The following NUP62CL variants were observed in gnomAD, a reference collection of about 807,000 sequenced individuals.
NUP62CL encodes the protein nucleoporin-62 C-terminal-like protein.
NUP62CL carries 13 observed loss-of-function variants against 15.3 expected under a neutral mutation model. The ratio of observed to expected loss-of-function variants is 0.85; its 90% CI spans 0.55 to 1.35. The LOEUF (loss-of-function observed/expected upper bound fraction) is 1.35, where lower values mean the gene tolerates loss of function less well. Ranked by LOEUF, NUP62CL falls within the 40% of genes most tolerant of loss-of-function variation. The pLI is 0.00. For synonymous variants in NUP62CL, 54 were observed against 49.2 expected (o/e 1.10, Z -0.41); for missense variants, 123 against 130.6 (o/e 0.94, Z 0.28).
At chrX:107,173,750 C>G (rs991734383) in intron 3 of NUP62CL, among the ~76,000 whole-genome samples, 2 of 111,245 alleles carry the variant, frequency 1.8e-5, no homozygotes, top group Non-Finnish European at 3.8e-5. Flanking sequence ...TAATGCCTAA[C>G]TATGCCAATA....
chrX:107,177,629 T>G (rs1428383522), intron 2 of NUP62CL, among the ~76,000 whole-genome samples: 2 of 111,501 alleles, frequency 1.8e-5, no homozygotes, highest in East Asian at 2.8e-4. Context: ...CATGAAAACA[T>G]GCTCACTATC....
intron 3 of NUP62CL, among the ~76,000 whole-genome samples, chrX:107,169,075 AAT>A (rs751878280): frequency 2.8e-4 from 32 of 112,449 alleles, no homozygotes; most frequent in Non-Finnish European, 5.3e-4. Context: ...AAACAGGATT[AAT>A]ATGAGTCAGA....
intron 1 of NUP62CL, among the ~76,000 whole-genome samples, chrX:107,198,766 G>A (rs1927416985): frequency 8.9e-6 from 1 of 111,759 alleles, no homozygotes; most frequent in Non-Finnish European, 1.9e-5. Flanking sequence ...CCCACCAGAA[G>A]GAGGAAACTC....
intron 7 of NUP62CL, among the ~76,000 whole-genome samples, chrX:107,150,054 G>A (rs932989270): frequency 1.8e-5 from 2 of 111,976 alleles, no homozygotes; most frequent in African/African-American, 3.2e-5. Context: ...GTGGGGGCAG[G>A]TGTAAACCTA....
chrX:107,186,462 T>A, intron 2 of NUP62CL, among the ~76,000 whole-genome samples: 1 of 111,813 alleles, frequency 8.9e-6, no homozygotes, highest in Non-Finnish European at 1.9e-5. Flanking sequence ...ACAATTTTGT[T>A]AACTATACTC....
chrX:107,148,782 G>A (rs781604489), intron 7 of NUP62CL, among the ~76,000 whole-genome samples: 15 of 110,271 alleles, frequency 1.4e-4, no homozygotes, highest in African/African-American at 4.9e-4. Context: ...TCCCATTGCC[G>A]CTCACAAAAA....
chrX:107,130,038 T>C (rs2147790601), intron 8 of NUP62CL, among the ~76,000 whole-genome samples: 1 of 111,039 alleles, frequency 9.0e-6, no homozygotes, highest in African/African-American at 3.3e-5. Flanking sequence ...TTAACAAAAA[T>C]ATAACGAGAA....
chrX:107,186,524 T>C (rs910035797), intron 2 of NUP62CL, among the ~76,000 whole-genome samples: 13 of 111,910 alleles, frequency 1.2e-4, no homozygotes, highest in Non-Finnish European at 7.5e-5. Context: ...ACATATCTAC[T>C]ACTTTAAAAA....
In NUP62CL at chrX:107,123,832, C is replaced by T. The variant is rs1925321410; in HGVS notation, c.*543G>A. 8.8e-6 allele frequency: 1 copy of T among 113,066 alleles called. No homozygotes were observed. The highest frequency in any genetic ancestry group is 1.8e-5 in the Non-Finnish European group (1 of 54,480). The allele number at this position is 113,066 out of a possible 1,213,427, so 9.3% of individuals were successfully genotyped here. ...TCTATATTGTTTTTATGCAGACAAG[C>T]ATTAATTATATCTCAAACTAGACAG... is the stretch of plus-strand genomic sequence containing the variant. On this transcript the variant is annotated 3_prime_UTR_variant, in exon 9 of 9. Coordinates refer to ENST00000372466, the MANE Select transcript of NUP62CL (RefSeq NM_017681.3).
chrX:107,165,862 A>G (rs778046144), intron 4 of NUP62CL, among the ~76,000 whole-genome samples: 3 of 112,171 alleles, frequency 2.7e-5, no homozygotes, highest in Non-Finnish European at 5.6e-5. Flanking sequence ...ACAAAAAAAA[A>G]TTAATCTTGA....
chrX:107,190,626 G>GT (rs1927214813), intron 2 of NUP62CL, among the ~76,000 whole-genome samples: 1 of 111,906 alleles, frequency 8.9e-6, no homozygotes, highest in African/African-American at 3.3e-5. Context: ...AATCAATCAA[G>GT]TAAGAATCTC....
At chrX:107,166,683 G>A (rs1380770061) in intron 4 of NUP62CL, among the ~76,000 whole-genome samples, 1 of 111,423 alleles carries the variant, frequency 9.0e-6, no homozygotes, top group Admixed American at 9.5e-5. Flanking sequence ...CCATCAACAG[G>A]TGAATGGTTA....
intron 8 of NUP62CL, among the ~76,000 whole-genome samples, chrX:107,131,228 C>T (rs1356013432): frequency 9.0e-6 from 1 of 111,030 alleles, no homozygotes; most frequent in Admixed American, 9.5e-5. Flanking sequence ...TAGTGGGAAA[C>T]TAGTGAAGAG....
chrX:107,126,939 C>G (rs1925399758), intron 8 of NUP62CL, among the ~76,000 whole-genome samples: 1 of 110,235 alleles, frequency 9.1e-6, no homozygotes, highest in Admixed American at 9.6e-5. Flanking sequence ...GAGGCTGAGG[C>G]AGGAGAATCG....
chrX:107,190,348 G>GA (rs1373642662), intron 2 of NUP62CL, among the ~76,000 whole-genome samples: 1 of 111,930 alleles, frequency 8.9e-6, no homozygotes, highest in Admixed American at 9.5e-5. Flanking sequence ...AAGAGAGGAA[G>GA]AAAAACAATC....
At position 107,147,741 on chromosome X, in the gene NUP62CL, A is replaced by G; in HGVS notation, c.*42+2T>C. The stretch of plus-strand genomic sequence containing the variant: ...CAGAGTGGCATACAAGCAAACTCCC[A>G]CCTGAATTCCGATCAATCCACTGCA... On this transcript the variant is annotated splice_donor_variant, in intron 8 of 8. Transcript: ENST00000372466. LOFTEE classifies it low-confidence loss of function (3UTR_SPLICE). The G allele has an allele frequency of 8.8e-7, 1 of 1,134,484 alleles. No homozygotes were observed. Among genetic ancestry groups the G allele is most frequent in the Non-Finnish European group, 1.2e-6 (1 of 825,623 alleles). 93.5% of individuals were successfully genotyped at this position (1,134,484 alleles called of 1,213,427 possible). A position where few individuals can be genotyped will look rare whatever the true frequency, so the allele number is the denominator to read the frequency against.
chrX:107,199,979 T>C (rs2147819099), intron 1 of NUP62CL, among the ~76,000 whole-genome samples: 1 of 112,058 alleles, frequency 8.9e-6, no homozygotes, highest in Non-Finnish European at 1.9e-5. Context: ...ACTAATGTCT[T>C]ACTCTAAATG....
Position 107,143,999 on chromosome X carries a change from G to C in NUP62CL, c.*42+3744C>G, listed in dbSNP as rs186449206. Among the ~76,000 whole-genome samples, 3 of 111,923 alleles carry C rather than the reference G, an allele frequency of 2.7e-5. No individual in the cohort carries two copies. The East Asian group carries it at 8.4e-4, about 31-fold the overall frequency. Reference sequence around the variant, plus strand: ...ATGGCAAAAAGGAGCCCACAGTCAAGAAATACCAGGCTTTTTTTCTCATTC... The same window carrying C: ...ATGGCAAAAAGGAGCCCACAGTCAACAAATACCAGGCTTTTTTTCTCATTC... On this transcript the variant is annotated intron_variant, in intron 8 of 8. Coordinates refer to ENST00000372466, the MANE Select transcript of NUP62CL (RefSeq NM_017681.3).
At chrX:107,202,277 AAAG>A (rs1927504004) in intron 1 of NUP62CL, among the ~76,000 whole-genome samples, 1 of 112,282 alleles carries the variant, frequency 8.9e-6, no homozygotes, top group Non-Finnish European at 1.9e-5. Flanking sequence ...TCTTAATTTT[AAAG>A]AAGTAATGTT....
Sources: allele counts gnomAD v4.1 joint callset (sites outside exome capture counted in the v4.1 genomes callset), GRCh38; gene constraint gnomAD v4.1.1; transcripts MANE v1.5; gene names NCBI Gene and HGNC (gene_info 2026-07-23, HGNC 2026-07-21).